The following RPL26 variants were observed in gnomAD, a reference collection of about 807,000 sequenced individuals.
The protein encoded by RPL26 is large ribosomal subunit protein uL24.
Under a neutral mutation model 16.2 loss-of-function variants are expected in RPL26, and 1 was observed. That is an observed-to-expected ratio of 0.06 (90% CI 0.02 to 0.29). The LOEUF (loss-of-function observed/expected upper bound fraction) is 0.29. RPL26 is among the 10% of genes least tolerant of loss of function. RPL26 has a pLI of 1.00. For missense variants in RPL26, 102 were observed against 184.3 expected (o/e 0.55, Z 2.58); for synonymous variants, 55 against 62.4 (o/e 0.88, Z 0.56).
At position 8,381,630 on chromosome 17, in the gene RPL26, A is replaced by G. The variant is rs911391853; in HGVS notation, c.168+513T>C. Among the ~76,000 whole-genome samples the G allele has an allele frequency of 3.0e-4, 46 of 152,124 alleles. 2 individuals carry two copies. Among genetic ancestry groups the G allele is most frequent in the Non-Finnish European group, 4.4e-5 (3 of 68,032 alleles). ...GCAACTGCACTCCAGTCTGGGTAAG[A>G]GTGAGACCCCATCTCAGCCGGGCGC... On this transcript the variant is annotated intron_variant, in intron 2 of 3. Coordinates refer to ENST00000648839, the MANE Select transcript of RPL26 (RefSeq NM_000987.5).
chr17:8,377,727 TTAAA>T (rs756624940), intron 3 of RPL26, 35 bp from the exon 4 acceptor site: 110 of 1,581,184 alleles, frequency 7.0e-5, no homozygotes, highest in Non-Finnish European at 8.9e-5. Context: ...CTCCCAAGCT[TTAAA>T]TAATCACTAA....
chr17:8,382,044 AAG>A (rs1390248580), intron 2 of RPL26, 97 bp downstream of exon 2: 2 of 1,068,014 alleles, frequency 1.9e-6, no homozygotes, highest in Non-Finnish European at 2.8e-6. Flanking sequence ...CTTTGGGAGC[AAG>A]AGTCTCAGAA....
intron 3 of RPL26, 141 bp from the exon 4 acceptor site, chr17:8,377,833 C>G: frequency 3.0e-6 from 2 of 673,912 alleles, no homozygotes; most frequent in Non-Finnish European, 4.6e-6. Flanking sequence ...TTAAAAAACT[C>G]CAGAAATCAC....
At chr17:8,382,637 A>G in intron 1 of RPL26, 2 of 345,194 alleles carry the variant, frequency 5.8e-6, no homozygotes, top group Non-Finnish European at 1.1e-5. Flanking sequence ...GACTGGACTT[A>G]CATCTCTGCT....
chr17:8,381,905 G>C (rs1333938269), intron 2 of RPL26: 1 of 362,700 alleles, frequency 2.8e-6, no homozygotes, highest in Non-Finnish European at 5.0e-6. Flanking sequence ...CTCCAGCCTG[G>C]GGGGGACAAG....
chr17:8,382,183 T>A lies in RPL26; in HGVS notation c.128A>T (p.Asn43Ile), dbSNP rs149055327. The A allele has an allele frequency of 6.2e-7, 1 of 1,613,908 alleles. No homozygotes were observed. Among genetic ancestry groups the A allele is most frequent in the African/African-American group, 1.3e-5 (1 of 75,020 alleles). The change falls in exon 2 of 4, where the codon AAC becomes ATC. Residue 43 changes from asparagine (N) to isoleucine (I), a missense_variant. Transcript: ENST00000648839. Reference sequence around the variant, plus strand: ...CTTTCGGATGGGCATGGATCGCACGTTGTACTTCTGTCTCAGCTCTTTGGA... The same window carrying A: ...CTTTCGGATGGGCATGGATCGCACGATGTACTTCTGTCTCAGCTCTTTGGA... ...PLSKELRQKY[N>I]VRSMPIRKDD...
At chr17:8,382,057 G>A (rs1187952031) in intron 2 of RPL26, 86 bp downstream of exon 2, 6 of 1,203,246 alleles carry the variant, frequency 5.0e-6, no homozygotes, top group Non-Finnish European at 7.3e-6. Context: ...AGTCTCAGAA[G>A]CATCTTTCTC....
At chr17:8,382,369 A>T in intron 1 of RPL26, 54 bp from the exon 2 acceptor site, 2 of 1,298,080 alleles carry the variant, frequency 1.5e-6, no homozygotes, top group Non-Finnish European at 1.1e-6. Context: ...TCCAGCTTCC[A>T]AACAAATAAC....
chr17:8,381,586 C>T (rs1442117906), intron 2 of RPL26, among the ~76,000 whole-genome samples: 2 of 152,074 alleles, frequency 1.3e-5, no homozygotes, highest in Admixed American at 1.3e-4. Flanking sequence ...TCACTTGAGC[C>T]CACAAGAGCC....
At position 8,379,952 on chromosome 17, in the gene RPL26, A is replaced by G. The variant is rs201126193; in HGVS notation, c.169-16T>C. On this transcript the variant is annotated splice_polypyrimidine_tract_variant and intron_variant, in intron 2 of 3. Transcript: ENST00000648839. ...CACGTACAACCTAAGAGCAAATTCA[A>G]AAGTAACAAATATTTGAATAAAAGA... is the stretch of plus-strand genomic sequence containing the variant. The G allele has an allele frequency of 5.4e-5, 86 of 1,601,800 alleles. No individual in the cohort carries two copies. In the African/African-American group the frequency reaches 9.6e-4, roughly 18 times the overall value.
intron 2 of RPL26, chr17:8,381,931 CAAAAAAA>C: frequency 2.2e-5 from 7 of 314,644 alleles, no homozygotes; most frequent in Middle Eastern, 9.3e-4. Context: ...GACTTCATCT[CAAAAAAA>C]AAAAAAAAAA....
At position 8,378,264 on chromosome 17, in the gene RPL26, C is replaced by T. The variant is rs963784681; in HGVS notation, c.310-572G>A. ...GAGAATCTCTGGAACCCTGGGGGGG[C>T]GGAGGCTGCAGTGAGCTGAGATGGT... On this transcript the variant is annotated intron_variant, in intron 3 of 3. Transcript: ENST00000648839. 1.7e-3 allele frequency among the ~76,000 whole-genome samples: 258 copies of T among 149,984 alleles called. 1 individual carries two copies. The highest frequency in any genetic ancestry group is 5.2e-4 in the Non-Finnish European group (35 of 67,082).
intron 2 of RPL26, chr17:8,380,225 G>C (rs924061614): frequency 3.0e-6 from 1 of 333,436 alleles, no homozygotes. Flanking sequence ...CTTTCCCAAA[G>C]GTTAGTGGAC....
intron 1 of RPL26, chr17:8,382,525 T>C: frequency 1.9e-6 from 1 of 514,802 alleles, no homozygotes; most frequent in Non-Finnish European, 3.5e-6. Flanking sequence ...TTTCTGTATA[T>C]GTTTACGGAC....
chr17:8,377,887 C>A (rs1001291879), intron 3 of RPL26, among the ~76,000 whole-genome samples, 195 bp from the exon 4 acceptor site: 1 of 152,226 alleles, frequency 6.6e-6, no homozygotes, highest in African/African-American at 2.4e-5. Flanking sequence ...TTCCTACCAA[C>A]AAAGGAGAAA....
chr17:8,378,984 T>C (rs758992224), intron 3 of RPL26, among the ~76,000 whole-genome samples: 6 of 152,180 alleles, frequency 3.9e-5, no homozygotes, highest in East Asian at 3.9e-4. Context: ...TCAAGTTTCA[T>C]AGATGTGTTT....
intron 2 of RPL26, 178 bp from the exon 3 acceptor site, chr17:8,380,114 A>G: frequency 1.7e-6 from 1 of 579,064 alleles, no homozygotes; most frequent in Non-Finnish European, 3.0e-6. Context: ...CCATCTCAAA[A>G]GCAGCAACAG....
chr17:8,382,622 A>G (rs936087924), intron 1 of RPL26: 1 of 355,554 alleles, frequency 2.8e-6, no homozygotes, highest in Non-Finnish European at 5.1e-6. Flanking sequence ...GCCTGAGGAA[A>G]TCAAGACTGG....
intron 2 of RPL26, chr17:8,381,780 T>A (rs969330244): frequency 1.4e-5 from 3 of 218,684 alleles, no homozygotes; most frequent in African/African-American, 7.2e-5. Flanking sequence ...ACACAAAAAT[T>A]AGCCGAGCCG....
Sources: gnomAD v4.1 joint callset for allele counts (sites outside exome capture counted in the v4.1 genomes callset) on GRCh38, gnomAD v4.1.1 for gene constraint, MANE v1.5 for transcripts, NCBI Gene and HGNC (gene_info 2026-07-23, HGNC 2026-07-21) for gene names.